The following NF2 variants were observed in gnomAD, a reference collection of about 807,000 sequenced individuals.
NF2 encodes the protein NF2, moesin-ezrin-radixin like (MERLIN) tumor suppressor.
In NF2, 8 loss-of-function variants were observed where a neutral mutation model predicts 83.7. That is an observed-to-expected ratio of 0.10 (90% CI 0.06 to 0.17). The LOEUF is 0.17. NF2 is among the 10% of genes least tolerant of loss of function. NF2 has a pLI of 1.00. For missense variants in NF2, 533 were observed against 744.4 expected, an observed-to-expected ratio of 0.72 and a Z score of 3.31; for synonymous variants, 266 against 269.6, an observed-to-expected ratio of 0.99 and a Z score of 0.13.
chr22:29,618,596 G>A (rs2065134769), intron 1 of NF2, among the ~76,000 whole-genome samples: 3 of 152,152 alleles, frequency 2.0e-5, no homozygotes, highest in Admixed American at 1.3e-4. Flanking sequence ...TTTGCCAGGA[G>A]GCTAAACGGC....
At chr22:29,680,214 C>T (rs1400434980) in intron 14 of NF2, among the ~76,000 whole-genome samples, 1 of 151,980 alleles carries the variant, frequency 6.6e-6, no homozygotes, top group Non-Finnish European at 1.5e-5. Context: ...TGGGTGCAAG[C>T]GATTCTCCTG....
rs1246319168 is a variant in NF2, at chr22:29,631,969, C to CT, written c.115-4781dup. Among the ~76,000 whole-genome samples, 11 of 152,294 alleles carry CT rather than the reference C, an allele frequency of 7.2e-5. No individual in the cohort carries two copies. In the East Asian group the frequency reaches 2.1e-3, roughly 29 times the overall value. ...CCTGGAAAGATTAAGCCCTCATGTC[C>CT]TGAGGCATCCATCTTAGGTAACAAT... is the stretch of plus-strand genomic sequence containing the variant. On this transcript the variant is annotated intron_variant, in intron 1 of 15. Transcript: ENST00000338641.
intron 15 of NF2, chr22:29,683,635 G>A: frequency 4.6e-6 from 5 of 1,090,280 alleles, no homozygotes; most frequent in Non-Finnish European, 5.6e-6. Context: ...AGAGCACAGG[G>A]TCTGATATGT....
intron 1 of NF2, among the ~76,000 whole-genome samples, chr22:29,627,998 A>G (rs1402598671): frequency 6.6e-6 from 1 of 152,224 alleles, no homozygotes; most frequent in African/African-American, 2.4e-5. Context: ...CATTGCAATC[A>G]TTAATTGGAA....
At chr22:29,638,595 AC>A in intron 2 of NF2, among the ~76,000 whole-genome samples, 1 of 152,084 alleles carries the variant, frequency 6.6e-6, no homozygotes, top group East Asian at 1.9e-4. Flanking sequence ...CAGGTGATCC[AC>A]CCGCTGTGGC....
intron 1 of NF2, among the ~76,000 whole-genome samples, chr22:29,630,674 T>G (rs1395397047): frequency 6.6e-6 from 1 of 152,188 alleles, no homozygotes; most frequent in African/African-American, 2.4e-5. Flanking sequence ...TCTCACGCCC[T>G]CCACCTCTCT....
At chr22:29,610,426 C>T (rs911572972) in intron 1 of NF2, among the ~76,000 whole-genome samples, 2 of 151,874 alleles carry the variant, frequency 1.3e-5, no homozygotes, top group East Asian at 1.9e-4. Context: ...GGGCAGATCA[C>T]GAGGTCAGGA....
At chr22:29,612,360 T>C (rs1188019876) in intron 1 of NF2, among the ~76,000 whole-genome samples, 3 of 151,754 alleles carry the variant, frequency 2.0e-5, no homozygotes, top group African/African-American at 7.3e-5. Context: ...GGACTTGCAC[T>C]GAAGTGAGAA....
chr22:29,692,386 A>C (rs1353016180), intron 15 of NF2, among the ~76,000 whole-genome samples: 1 of 152,194 alleles, frequency 6.6e-6, no homozygotes, highest in Non-Finnish European at 1.5e-5. Flanking sequence ...GGTGGGGCTC[A>C]GGAAGCACCC....
At chr22:29,642,723 C>A (rs1411280587) in intron 4 of NF2, among the ~76,000 whole-genome samples, 2 of 151,954 alleles carry the variant, frequency 1.3e-5, no homozygotes, top group African/African-American at 4.8e-5. Flanking sequence ...CCAATTTTAG[C>A]CAAACATGGC....
chr22:29,678,826 C>T (rs1481252724), intron 14 of NF2, among the ~76,000 whole-genome samples: 1 of 152,194 alleles, frequency 6.6e-6, no homozygotes, highest in Non-Finnish European at 1.5e-5. Flanking sequence ...CTGGGCAGGG[C>T]CCCAGCATGG....
chr22:29,681,355 C>T, intron 14 of NF2, 84 bp from the exon 15 acceptor site: 1 of 1,564,962 alleles, frequency 6.4e-7, no homozygotes, highest in Non-Finnish European at 8.8e-7. Context: ...GATCGCACAC[C>T]AAGCAGCTTG....
chr22:29,688,783 C>T (rs2067328570), intron 15 of NF2, among the ~76,000 whole-genome samples: 1 of 152,230 alleles, frequency 6.6e-6, no homozygotes, highest in Admixed American at 6.5e-5. Flanking sequence ...GTGGACTTGG[C>T]CTTTCGTTCC....
At chr22:29,619,190 A>G (rs1183523044) in intron 1 of NF2, among the ~76,000 whole-genome samples, 7 of 151,966 alleles carry the variant, frequency 4.6e-5, no homozygotes, top group African/African-American at 1.5e-4. Context: ...GAATACAGGC[A>G]TGTGCCAACA....
At position 29,697,947 on chromosome 22, in the gene NF2, C is replaced by G. The variant is rs2067599383; in HGVS notation, c.*3145C>G. On this transcript the variant is annotated 3_prime_UTR_variant, in exon 16 of 16. Transcript: ENST00000338641. ...AGTCTCAAGCCCAAAGAGCAGCGTC[C>G]TGACCATGGTGGTTTCATTACGAGC... 1 of 224,216 alleles carries G rather than the reference C, an allele frequency of 4.5e-6. No homozygotes were observed. The highest frequency in any genetic ancestry group is 5.7e-5 in the Admixed American group (1 of 17,430). The allele number at this position is 224,216 out of a possible 1,614,324, so 13.9% of individuals were successfully genotyped here.
intron 1 of NF2, among the ~76,000 whole-genome samples, chr22:29,615,564 T>C (rs2065062585): frequency 6.6e-6 from 1 of 152,062 alleles, no homozygotes; most frequent in African/African-American, 2.4e-5. Flanking sequence ...AGCGAGACCC[T>C]GTCTCAAAAA....
intron 15 of NF2, among the ~76,000 whole-genome samples, chr22:29,685,635 T>C (rs1414647814): frequency 2.0e-5 from 3 of 152,188 alleles, no homozygotes; most frequent in Non-Finnish European, 4.4e-5. Context: ...GGTCTCGAAC[T>C]CCTGAGCTCA....
intron 9 of NF2, among the ~76,000 whole-genome samples, chr22:29,667,576 G>T (rs2066661055): frequency 6.6e-6 from 1 of 151,778 alleles, no homozygotes; most frequent in African/African-American, 2.4e-5. Flanking sequence ...TTGTGGAGAT[G>T]GCGTCTCACT....
At chr22:29,638,569 C>T (rs189554759) in intron 2 of NF2, among the ~76,000 whole-genome samples, 152 of 152,224 alleles carry the variant, frequency 1.0e-3, no homozygotes, top group Non-Finnish European at 2.4e-4. Context: ...CCAGGCTGGT[C>T]TTGAACTCCT....
Sources: allele counts gnomAD v4.1 joint callset (sites outside exome capture counted in the v4.1 genomes callset), GRCh38; gene constraint gnomAD v4.1.1; transcripts MANE v1.5; gene names NCBI Gene and HGNC (gene_info 2026-07-23, HGNC 2026-07-21).